The following DNA2 variants were observed in gnomAD, a reference collection of about 807,000 sequenced individuals.
DNA2 encodes the protein DNA replication ATP-dependent helicase/nuclease DNA2.
DNA2 carries 101 observed loss-of-function variants against 119.1 expected under a neutral mutation model. The ratio of observed to expected loss-of-function variants is 0.85; its 90% CI spans 0.72 to 1.00. The LOEUF (loss-of-function observed/expected upper bound fraction) is 1.00. Ranked by LOEUF, DNA2 falls within the 50% of genes least tolerant of loss-of-function variation. DNA2 has a pLI of 0.00. For missense variants in DNA2, 1,121 were observed against 1,255.5 expected, an observed-to-expected ratio of 0.89 and a Z score of 1.62; for synonymous variants, 366 against 424.4, an observed-to-expected ratio of 0.86 and a Z score of 1.69.
chr10:68,472,068 T>G (rs751450216), upstream of DNA2: 1 of 1,589,524 alleles, frequency 6.3e-7, no homozygotes, highest in Non-Finnish European at 8.6e-7. Flanking sequence ...GCAGCAGGGC[T>G]CTGTCCCCTG....
chr10:68,453,588 A>G (rs1333755635), intron 5 of DNA2, among the ~76,000 whole-genome samples: 1 of 152,186 alleles, frequency 6.6e-6, no homozygotes, highest in Non-Finnish European at 1.5e-5. Context: ...ATTATAATGG[A>G]ACTAAAAAAT....
At chr10:68,448,539 C>T (rs1490976989) in intron 6 of DNA2, among the ~76,000 whole-genome samples, 1 of 152,118 alleles carries the variant, frequency 6.6e-6, no homozygotes, top group South Asian at 2.1e-4. Flanking sequence ...GCATAATATG[C>T]AATATAAATT....
intron 5 of DNA2, among the ~76,000 whole-genome samples, chr10:68,457,835 A>G (rs971938523): frequency 6.6e-6 from 1 of 152,094 alleles, no homozygotes; most frequent in South Asian, 2.1e-4. Flanking sequence ...CAGTCAACAC[A>G]TGACACAGAC....
chr10:68,429,882 A>ATTTTT (rs142420844), intron 14 of DNA2, among the ~76,000 whole-genome samples: 3 of 123,648 alleles, frequency 2.4e-5, no homozygotes, highest in African/African-American at 9.7e-5. Context: ...AAAAACCCGG[A>ATTTTT]TTTTTTTTTT....
At chr10:68,431,526 C>A (rs1362339895) in intron 13 of DNA2, among the ~76,000 whole-genome samples, 4 of 152,086 alleles carry the variant, frequency 2.6e-5, no homozygotes, top group Admixed American at 2.6e-4. Context: ...CTCAAGTGAT[C>A]CGCCCGCCTT....
At chr10:68,464,925 G>A (rs914491690) in intron 4 of DNA2, among the ~76,000 whole-genome samples, 1 of 151,508 alleles carries the variant, frequency 6.6e-6, no homozygotes, top group Non-Finnish European at 1.5e-5. Context: ...GCTGAGGTGG[G>A]GAGAAACACA....
At chr10:68,422,472 A>C (rs1027322616) in intron 16 of DNA2, 43 bp from the exon 17 acceptor site, 1 of 1,612,914 alleles carries the variant, frequency 6.2e-7, no homozygotes, top group Admixed American at 1.7e-5. Flanking sequence ...GGTAGATGGA[A>C]ACAAACATGA....
At chr10:68,446,106 A>C (rs1001202878) in intron 7 of DNA2, among the ~76,000 whole-genome samples, 190 bp downstream of exon 7, 1 of 152,202 alleles carries the variant, frequency 6.6e-6, no homozygotes, top group African/African-American at 2.4e-5. Flanking sequence ...CCTGGGCAAC[A>C]GAGTGAGACT....
chr10:68,448,918 G>A (rs2052076175), intron 6 of DNA2, among the ~76,000 whole-genome samples: 1 of 151,336 alleles, frequency 6.6e-6, no homozygotes, highest in African/African-American at 2.4e-5. Flanking sequence ...CTACAGGCAT[G>A]TGCCACCACA....
intron 19 of DNA2, among the ~76,000 whole-genome samples, chr10:68,417,396 A>AAC (rs1166796184): frequency 6.7e-6 from 1 of 149,834 alleles, no homozygotes. Flanking sequence ...AAAACCAAAA[A>AAC]AAAAAAAAAA....
intron 14 of DNA2, among the ~76,000 whole-genome samples, chr10:68,427,372 C>T (rs2051756168): frequency 6.6e-6 from 1 of 150,814 alleles, no homozygotes; most frequent in Non-Finnish European, 1.5e-5. Flanking sequence ...AACCCCACCA[C>T]ATTATGGCTG....
rs564880774 is a variant in DNA2 at position 68,459,109 on chromosome 10, G to A, written c.714C>T (p.Leu238=). The stretch of plus-strand genomic sequence containing the variant: ...AAACAAAATGTGTTTCTTACAGAGA[G>A]AGCTGCATCTGAGGGAAGTCAGTCG... ...NTSTDFPQMQ[L]SLPSDNSKDN... Residue 238 remains leucine, a synonymous_variant, in exon 5 of 21, where the codon CTC becomes CTT. Coordinates refer to ENST00000358410, the MANE Select transcript of DNA2 (RefSeq NM_001080449.3). The A allele has an allele frequency of 6.3e-7, 1 of 1,596,142 alleles. No individual in the cohort carries two copies. Among genetic ancestry groups the A allele is most frequent in the East Asian group, 2.2e-5 (1 of 44,458 alleles).
chr10:68,446,263 A>T (rs375712745), intron 7 of DNA2, 33 bp downstream of exon 7: 42 of 1,249,986 alleles, frequency 3.4e-5, no homozygotes, highest in Non-Finnish European at 4.5e-5. Flanking sequence ...GGGGGTGGGC[A>T]AAGAAGTAAA....
intron 4 of DNA2, among the ~76,000 whole-genome samples, chr10:68,463,144 CA>C (rs1301486307): frequency 6.9e-6 from 1 of 145,038 alleles, no homozygotes; most frequent in Non-Finnish European, 1.5e-5. Flanking sequence ...AAAAAAAAAT[CA>C]TTAAGATGTA....
rs868355551 is a variant in DNA2, at chr10:68,442,951, G to A, written c.1381C>T (p.His461Tyr). ...GCAGGCATTAGCCAGATATTTTGGTGATTCTTTTTATTATCCTTCGATTGT... is the reference window on the plus strand; with the variant it reads ...GCAGGCATTAGCCAGATATTTTGGTAATTCTTTTTATTATCCTTCGATTGT... ...ESQSKDNKKN[H>Y]QNIWLMPASE... Residue 461 changes from histidine (H) to tyrosine (Y), a missense_variant, in exon 9 of 21, where the codon CAC (histidine) becomes TAC (tyrosine). Coordinates refer to ENST00000358410, the MANE Select transcript of DNA2 (RefSeq NM_001080449.3). 1 of 1,612,704 alleles carries A rather than the reference G, an allele frequency of 6.2e-7. No homozygotes were observed. Among genetic ancestry groups the A allele is most frequent in the Non-Finnish European group, 8.5e-7 (1 of 1,179,508 alleles).
chr10:68,451,642 G>A (rs1408772581), intron 5 of DNA2, among the ~76,000 whole-genome samples: 1 of 152,004 alleles, frequency 6.6e-6, no homozygotes, highest in Non-Finnish European at 1.5e-5. Flanking sequence ...CTATCAAAAT[G>A]AAGATTTTTA....
At chr10:68,415,421 CAT>C (rs2051576073) in intron 20 of DNA2, among the ~76,000 whole-genome samples, 1 of 151,924 alleles carries the variant, frequency 6.6e-6, no homozygotes, top group Non-Finnish European at 1.5e-5. Context: ...GGATTACAGG[CAT>C]GTGCCACCAT....
In DNA2 at chr10:68,444,865, TA is replaced by T. The variant is rs1337576782; in HGVS notation, c.1220+55del. On this transcript the variant is annotated intron_variant, in intron 8 of 20. Transcript: ENST00000358410. The stretch of plus-strand genomic sequence containing the variant: ...CCCGTCTGGCCACCAGTGTTAAACG[TA>T]TTTAGTTGAGTTCATACTCAACTAG... 5.1e-6 allele frequency: 7 copies of T among 1,381,004 alleles called. No homozygotes were observed. In the African/African-American group the frequency reaches 8.6e-5, roughly 17 times the overall value. The allele number at this position is 1,381,004 out of a possible 1,614,324, so 85.5% of individuals were successfully genotyped here. A position where few individuals can be genotyped will look rare whatever the true frequency, so the allele number is the denominator to read the frequency against.
At chr10:68,426,259 C>T (rs1209434499) in intron 14 of DNA2, among the ~76,000 whole-genome samples, 2 of 152,032 alleles carry the variant, frequency 1.3e-5, no homozygotes, top group Non-Finnish European at 2.9e-5. Context: ...CTTTTGCAGC[C>T]GGGCACAGTG....
Sources: gnomAD v4.1 joint callset for allele counts (sites outside exome capture counted in the v4.1 genomes callset) on GRCh38, gnomAD v4.1.1 for gene constraint, MANE v1.5 for transcripts, NCBI Gene and HGNC (gene_info 2026-07-23, HGNC 2026-07-21) for gene names.